UTP14C: variants seen among roughly 807,000 people sequenced by gnomAD.
The protein encoded by UTP14C is U3 small nucleolar RNA-associated protein 14 homolog C.
A neutral mutation model predicts 14.6 loss-of-function variants in UTP14C; 10 were observed. The ratio of observed to expected loss-of-function variants is 0.68; its 90% CI spans 0.42 to 1.16. UTP14C has a LOEUF of 1.16. Among genes scored for constraint, UTP14C ranks in the 50% most tolerant of loss-of-function variants. The pLI is 0.00. For missense variants in UTP14C, 818 were observed against 890.8 expected (o/e 0.92, Z 1.04); for synonymous variants, 315 against 331.6 (o/e 0.95, Z 0.54).
intron 1 of UTP14C, among the ~76,000 whole-genome samples, chr13:52,025,763 G>T (rs1037100896): frequency 7.2e-5 from 11 of 152,198 alleles, no homozygotes. Flanking sequence ...AGCGCTTTGT[G>T]CCTCACACTG....
Position 52,030,817 on chromosome 13 carries a change from G to A in UTP14C, c.2013G>A (p.Lys671=), listed in dbSNP as rs758161781. 6.2e-7 allele frequency: 1 copy of A among 1,614,034 alleles called. No individual in the cohort carries two copies. The highest frequency in any genetic ancestry group is 8.5e-7 in the Non-Finnish European group (1 of 1,180,044). ...TGCCAAATGTGATTATCAGTGAGAA[G>A]CGCAACATCCACGCAGCAGCTCATC... ...KNLPNVIISE[K]RNIHAAAHQV... The change falls in exon 2 of 2, where the codon AAG becomes AAA. Residue 671 remains lysine, a synonymous_variant. Coordinates refer to ENST00000521776, the MANE Select transcript of UTP14C (RefSeq NM_021645.6).
chr13:52,026,398 A>G (rs111933506), intron 1 of UTP14C, among the ~76,000 whole-genome samples: 3 of 152,344 alleles, frequency 2.0e-5, no homozygotes, highest in African/African-American at 7.2e-5. Context: ...TATTGCACGT[A>G]AAAGCTTTCT....
At position 52,030,848 on chromosome 13, in the gene UTP14C, C is replaced by T. The variant is rs1161435439; in HGVS notation, c.2044C>T (p.Gln682Ter). 8 of 1,614,082 alleles carry T rather than the reference C, an allele frequency of 5.0e-6. No individual in the cohort carries two copies. The highest frequency in any genetic ancestry group is 4.5e-5 in the East Asian group (2 of 44,890). Reference sequence around the variant, plus strand: ...CATCCACGCAGCAGCTCATCAGGTACAAGTGCTTCCATATCCATTTACCCA... The same window carrying T: ...CATCCACGCAGCAGCTCATCAGGTATAAGTGCTTCCATATCCATTTACCCA... ...RNIHAAAHQVQVLPYPFTHHR... is the reference protein window; with the variant it reads ...RNIHAAAHQV Residue 682 changes from glutamine to a stop codon, truncating the protein, a stop_gained, in exon 2 of 2, where the codon CAA (glutamine) becomes TAA (stop). Transcript: ENST00000521776. LOFTEE classifies it high-confidence loss of function.
rs1202560076 is a variant in UTP14C, at chr13:52,030,964, C to T, written c.2160C>T (p.Val720=). Residue 720 remains valine, a synonymous_variant, in exon 2 of 2, where the codon GTC becomes GTT. Transcript: ENST00000521776. Reference sequence around the variant, plus strand: ...TCCAAAAGCTGACTACTCCCAAGGTCGTCACCAAGCCAGGCCATATCATTA... The same window carrying T: ...TCCAAAAGCTGACTACTCCCAAGGTTGTCACCAAGCCAGGCCATATCATTA... ...RAFQKLTTPK[V]VTKPGHIIKP... 4 of 1,614,174 alleles carry T rather than the reference C, an allele frequency of 2.5e-6. No individual in the cohort carries two copies. Among genetic ancestry groups the T allele is most frequent in the Non-Finnish European group, 2.5e-6 (3 of 1,180,022 alleles).
chr13:52,030,258 T>G lies in UTP14C; in HGVS notation c.1454T>G (p.Val485Gly). ...KASSEGTVPQ[V>G]QREEPAPEEA... ...AGTTCAGAGGGGACTGTTCCCCAGG[T>G]CCAGAGAGAGGAACCTGCCCCAGAA... The change falls in exon 2 of 2, where the codon GTC becomes GGC. Residue 485 changes from valine (V) to glycine (G), a missense_variant. Physicochemically the swap from Val to Gly is moderately radical, Grantham distance 109. Transcript: ENST00000521776. 6.2e-7 allele frequency: 1 copy of G among 1,614,084 alleles called. No homozygotes were observed. The highest frequency in any genetic ancestry group is 8.5e-7 in the Non-Finnish European group (1 of 1,180,026).
At chr13:52,024,967 G>A in intron 1 of UTP14C, 30 bp downstream of exon 1, 1 of 1,583,642 alleles carries the variant, frequency 6.3e-7, no homozygotes, top group Non-Finnish European at 8.6e-7. Context: ...AACTTGTTTG[G>A]TGCCATGAGA....
intron 1 of UTP14C, 39 bp downstream of exon 1, chr13:52,024,976 G>A: frequency 6.4e-7 from 1 of 1,569,408 alleles, no homozygotes; most frequent in Non-Finnish European, 8.7e-7. Flanking sequence ...GGTGCCATGA[G>A]ATACACATTT....
chr13:52,027,905 T>C (rs1051761972), intron 1 of UTP14C, among the ~76,000 whole-genome samples: 2 of 152,252 alleles, frequency 1.3e-5, no homozygotes, highest in Non-Finnish European at 2.9e-5. Context: ...TTTTTAATTA[T>C]CTGCAATATA....
At position 52,031,020 on chromosome 13, in the gene UTP14C, A is replaced by C. The variant is rs775711132; in HGVS notation, c.2216A>C (p.Gln739Pro). Residue 739 changes from glutamine (Q) to proline (P), a missense_variant, in exon 2 of 2, where the codon CAG becomes CCG. Gln to Pro is a moderately conservative substitution (Grantham distance 76, BLOSUM62 -1). Coordinates refer to ENST00000521776, the MANE Select transcript of UTP14C (RefSeq NM_021645.6). ...ATAAAAGCAGAGGATGTGGGCTACC[A>C]GTCTTCCTCAAGGTCAGACCTGCCT... ...KPIKAEDVGY[Q>P]SSSRSDLPVI... 6.2e-7 allele frequency: 1 copy of C among 1,614,192 alleles called. No individual in the cohort carries two copies. The highest frequency in any genetic ancestry group is 1.1e-5 in the South Asian group (1 of 91,088).
chr13:52,031,076 A>G lies in UTP14C; in HGVS notation c.2272A>G (p.Thr758Ala), dbSNP rs367799665. 6 of 1,613,328 alleles carry G rather than the reference A, an allele frequency of 3.7e-6. No homozygotes were observed. Among genetic ancestry groups the G allele is most frequent in the Non-Finnish European group, 4.2e-6 (5 of 1,179,652 alleles). The stretch of plus-strand genomic sequence containing the variant: ...ACAGAGGAATCCAAAACGAATCACC[A>G]CACGTCACAATAAAGAAGAAAAACT... ...VIQRNPKRIT[T>A]RHNKEEKL The change falls in exon 2 of 2, where the codon ACA becomes GCA. Residue 758 changes from threonine (T) to alanine (A), a missense_variant. Coordinates refer to ENST00000521776, the MANE Select transcript of UTP14C (RefSeq NM_021645.6).
chr13:52,029,915 A>G lies in UTP14C; in HGVS notation c.1111A>G (p.Asn371Asp), dbSNP rs1954281805. 1.9e-6 allele frequency: 3 copies of G among 1,614,088 alleles called. No homozygotes were observed. The highest frequency in any genetic ancestry group is 1.7e-5 in the Admixed American group (1 of 60,006). ...AGTGCAGATGAATGTGGACGGACCG[A>G]ATCCCTGGATGTTCAGGAGCTGCAC... Reference protein sequence around the residue: ...NEVQMNVDGPNPWMFRSCTSD... With the variant: ...NEVQMNVDGPDPWMFRSCTSD... The change falls in exon 2 of 2, where the codon AAT (asparagine) becomes GAT (aspartate). Residue 371 changes from asparagine to aspartate, a missense_variant. By Grantham distance (23) the Asn-to-Asp change is conservative. Coordinates refer to ENST00000521776, the MANE Select transcript of UTP14C (RefSeq NM_021645.6).
At position 52,030,556 on chromosome 13, in the gene UTP14C, T is replaced by C; in HGVS notation, c.1752T>C (p.Asp584=). The change falls in exon 2 of 2, where the codon GAT becomes GAC. Residue 584 remains aspartate, a synonymous_variant. Coordinates refer to ENST00000521776, the MANE Select transcript of UTP14C (RefSeq NM_021645.6). ...CCACAATAATAGAGGAGCTGGAAGA[T>C]GAAGAGGAGAGAGACCAAAGGCAGA... The part of the protein sequence containing the change: ...AVPTIIEELE[D]EEERDQRQMI... 1 of 1,614,070 alleles carries C rather than the reference T, an allele frequency of 6.2e-7. No individual in the cohort carries two copies. Among genetic ancestry groups the C allele is most frequent in the Non-Finnish European group, 8.5e-7 (1 of 1,180,020 alleles).
rs748442937 is a variant in UTP14C, at chr13:52,029,319, A to T, written c.515A>T (p.His172Leu). 1.2e-6 allele frequency: 2 copies of T among 1,614,174 alleles called. No individual in the cohort carries two copies. The highest frequency in any genetic ancestry group is 2.2e-5 in the South Asian group (2 of 91,084). Residue 172 changes from histidine (H) to leucine (L), a missense_variant, in exon 2 of 2, where the codon CAT becomes CTT. Transcript: ENST00000521776. ...CAGCCAGCCATTGCTCCCATTGAAC[A>T]TGCGCTCAGTGGCTGGAAGGCAAGA... ...KEQPAIAPIE[H>L]ALSGWKARTP...
At position 52,030,428 on chromosome 13, in the gene UTP14C, A is replaced by T. The variant is rs753072244; in HGVS notation, c.1624A>T (p.Asn542Tyr). Reference protein sequence around the residue: ...EGQQSERTPNNRPDAPKEKKE... With the variant: ...EGQQSERTPNYRPDAPKEKKE... Reference sequence around the variant, plus strand: ...ACAGCAGTCAGAGAGGACCCCAAATAATCGGCCTGATGCCCCTAAGGAGAA... The same window carrying T: ...ACAGCAGTCAGAGAGGACCCCAAATTATCGGCCTGATGCCCCTAAGGAGAA... The change falls in exon 2 of 2, where the codon AAT (asparagine) becomes TAT (tyrosine). Residue 542 changes from asparagine (N) to tyrosine (Y), a missense_variant. By Grantham distance (143) the Asn-to-Tyr change is moderately radical. Coordinates refer to ENST00000521776, the MANE Select transcript of UTP14C (RefSeq NM_021645.6). 5.0e-6 allele frequency: 8 copies of T among 1,614,096 alleles called. No homozygotes were observed. The highest frequency in any genetic ancestry group is 1.7e-5 in the Admixed American group (1 of 60,006).
At chr13:52,027,340 A>G (rs1036133910) in intron 1 of UTP14C, among the ~76,000 whole-genome samples, 2 of 152,134 alleles carry the variant, frequency 1.3e-5, no homozygotes, top group African/African-American at 4.8e-5. Flanking sequence ...GCTGATAGGA[A>G]GGAGCCAGTA....
rs1954269894 is a variant in UTP14C, at chr13:52,029,047, A to G, written c.243A>G (p.Gly81=). Residue 81 remains glycine (G), a synonymous_variant, in exon 2 of 2, where the codon GGA becomes GGG. Transcript: ENST00000521776. ...TCAGTGTCAGTTCTGAAGGATCAGG[A>G]GAAAAGCTGGGCCTTGCAGATCTGC... ...SEFSVSSEGS[G]EKLGLADLLE... 3.1e-6 allele frequency: 5 copies of G among 1,614,264 alleles called. No individual in the cohort carries two copies. Among genetic ancestry groups the G allele is most frequent in the Non-Finnish European group, 4.2e-6 (5 of 1,180,046 alleles).
chr13:52,029,704 C>T lies in UTP14C; in HGVS notation c.900C>T (p.Asn300=). 1 of 1,614,150 alleles carries T rather than the reference C, an allele frequency of 6.2e-7. No homozygotes were observed. Among genetic ancestry groups the T allele is most frequent in the Non-Finnish European group, 8.5e-7 (1 of 1,180,030 alleles). Residue 300 remains asparagine (N), a synonymous_variant, in exon 2 of 2, where the codon AAC becomes AAT. Coordinates refer to ENST00000521776, the MANE Select transcript of UTP14C (RefSeq NM_021645.6). ...AAAGAATGAGCCTTAAGCACCAAAA[C>T]AGTGGGAAATGGGCCAAGTCAAAGG... ...MMERMSLKHQ[N]SGKWAKSKAI... is the part of the protein sequence containing the mutation.
chr13:52,027,093 T>C (rs1954248566), intron 1 of UTP14C, among the ~76,000 whole-genome samples: 1 of 151,760 alleles, frequency 6.6e-6, no homozygotes. Flanking sequence ...CTGGGGAAGG[T>C]AAGGCAGTCA....
At position 52,031,676 on chromosome 13, in the gene UTP14C, A is replaced by T. The variant is rs1422971214; in HGVS notation, c.*571A>T. On this transcript the variant is annotated 3_prime_UTR_variant, in exon 2 of 2. Transcript: ENST00000521776. ...TGATATACAGATACATCCACAGGGT[A>T]TCTATTACCAGCATAATGCATTGTA... 5.9e-6 allele frequency: 1 copy of T among 168,294 alleles called. No homozygotes were observed. The highest frequency in any genetic ancestry group is 1.5e-5 in the Non-Finnish European group (1 of 68,958). The allele number at this position is 168,294 out of a possible 1,614,324, so 10.4% of individuals were successfully genotyped here.
Sources: allele counts gnomAD v4.1 joint callset (sites outside exome capture counted in the v4.1 genomes callset), GRCh38; gene constraint gnomAD v4.1.1; transcripts MANE v1.5; gene names NCBI Gene and HGNC (gene_info 2026-07-23, HGNC 2026-07-21).